The following PITPNM2 variants were observed in gnomAD, a reference collection of about 807,000 sequenced individuals.
The protein encoded by PITPNM2 is membrane-associated phosphatidylinositol transfer protein 2.
Under a neutral mutation model 132.2 loss-of-function variants are expected in PITPNM2, and 35 were observed. That is an observed-to-expected ratio of 0.26 (90% CI 0.20 to 0.35). PITPNM2 has a LOEUF of 0.35. Among genes scored for constraint, PITPNM2 ranks in the 10% least tolerant of loss-of-function variants. The probability of loss-of-function intolerance (pLI) is 1.00; values close to 1 mark genes in which losing one functional copy is unlikely to be tolerated. For missense variants in PITPNM2, 1,332 were observed against 1,912.0 expected, an observed-to-expected ratio of 0.70 and a Z score of 5.66; for synonymous variants, 738 against 799.2, an observed-to-expected ratio of 0.92 and a Z score of 1.29.
chr12:123,056,695 T>C (rs1334552827), intron 2 of PITPNM2, among the ~76,000 whole-genome samples: 1 of 152,190 alleles, frequency 6.6e-6, no homozygotes, highest in Non-Finnish European at 1.5e-5. Context: ...CTGGACACTG[T>C]CCCTGTCCTC....
intron 17 of PITPNM2, 51 bp downstream of exon 17, chr12:122,990,494 G>A (rs1190663799): frequency 6.2e-7 from 1 of 1,601,412 alleles, no homozygotes; most frequent in Non-Finnish European, 8.5e-7. Context: ...GTCCCCTGTG[G>A]GCACAATGGC....
chr12:123,016,569 CCTAAGACTCCGT>C (rs942541667), intron 3 of PITPNM2, among the ~76,000 whole-genome samples: 5 of 141,062 alleles, frequency 3.5e-5, no homozygotes, highest in African/African-American at 1.3e-4. Flanking sequence ...CTCGCCTCGG[CCTAAGACTCCGT>C]CTCAAAAACA....
intron 1 of PITPNM2, among the ~76,000 whole-genome samples, chr12:123,127,887 GCA>G: frequency 6.6e-6 from 1 of 152,012 alleles, no homozygotes; most frequent in East Asian, 1.9e-4. Context: ...GGGATTACAG[GCA>G]TGAGCCACCG....
intron 1 of PITPNM2, among the ~76,000 whole-genome samples, chr12:123,141,486 C>T (rs145620678): frequency 6.6e-6 from 1 of 152,178 alleles, no homozygotes; most frequent in Middle Eastern, 3.2e-3. Flanking sequence ...TAAGATCCCC[C>T]CAGCCTGAGA....
Position 123,042,635 on chromosome 12 carries a change from G to C in PITPNM2, c.-95-7950C>G, listed in dbSNP as rs533252921. Among the ~76,000 whole-genome samples, 25 of 152,290 alleles carry C rather than the reference G, an allele frequency of 1.6e-4. No homozygotes were observed. The South Asian group carries it at 2.9e-3, about 18-fold the overall frequency. On this transcript the variant is annotated intron_variant, in intron 2 of 25. Coordinates refer to ENST00000320201, the MANE Select transcript of PITPNM2 (RefSeq NM_020845.3). ...GGCAGGTCTGGGGGCCTGGGACTCA[G>C]GACTGTGGGTATCCATAACCTCCTT...
chr12:123,107,120 C>T (rs78273079), intron 2 of PITPNM2, among the ~76,000 whole-genome samples: 48 of 152,294 alleles, frequency 3.2e-4, no homozygotes, highest in Non-Finnish European at 6.6e-4. Flanking sequence ...GAGGCCCTGC[C>T]CATGTCATGA....
rs369804462 is a variant in PITPNM2, at chr12:123,093,489, C to T, written c.-96+16896G>A. On this transcript the variant is annotated intron_variant, in intron 2 of 25. Coordinates refer to ENST00000320201, the MANE Select transcript of PITPNM2 (RefSeq NM_020845.3). ...ACACACGCACACACACACACGCGCA[C>T]ACACACACACACCTTGAAATAATCA... Among the ~76,000 whole-genome samples, 1,091 of 151,362 alleles carry T rather than the reference C, an allele frequency of 7.2e-3. 13 individuals carry two copies. Among genetic ancestry groups the T allele is most frequent in the African/African-American group, 0.025 (1,006 of 40,980 alleles).
intron 2 of PITPNM2, among the ~76,000 whole-genome samples, chr12:123,062,181 C>A (rs1260080956): frequency 6.6e-6 from 1 of 152,122 alleles, no homozygotes; most frequent in African/African-American, 2.4e-5. Flanking sequence ...CAGACTCCCT[C>A]CCAGACAGGC....
chr12:122,988,994 G>T, intron 18 of PITPNM2, 122 bp from the exon 19 acceptor site: 1 of 1,142,782 alleles, frequency 8.8e-7, no homozygotes, highest in Non-Finnish European at 1.2e-6. Flanking sequence ...ATAGCCAAAA[G>T]TGAGTCTTCT....
Position 122,994,880 on chromosome 12 carries a change from C to T in PITPNM2, c.2154G>A (p.Glu718=). The T allele has an allele frequency of 6.2e-7, 1 of 1,612,364 alleles. No homozygotes were observed. Among genetic ancestry groups the T allele is most frequent in the Non-Finnish European group, 8.5e-7 (1 of 1,179,944 alleles). The part of the protein sequence containing the change: ...GTGALGRFDF[E]ITDLFLFGCP... Reference sequence around the variant, plus strand: ...ACCCGAAGAGGAAGAGGTCGGTGATCTCAAAGTCAAACCTGCCCAGGGCAC... The same window carrying T: ...ACCCGAAGAGGAAGAGGTCGGTGATTTCAAAGTCAAACCTGCCCAGGGCAC... Residue 718 remains glutamate (E), a synonymous_variant, in exon 15 of 26, where the codon GAG becomes GAA. Coordinates refer to ENST00000320201, the MANE Select transcript of PITPNM2 (RefSeq NM_020845.3). This position sits in a 1 kb window ranked among gnomAD's most constrained non-coding sequence, Gnocchi z 5.4.
In PITPNM2 at chr12:123,005,108, G is replaced by A; in HGVS notation, c.952+132C>T. The A allele has an allele frequency of 1.7e-6, 2 of 1,144,286 alleles. No individual in the cohort carries two copies. Among genetic ancestry groups the A allele is most frequent in the Non-Finnish European group, 2.5e-6 (2 of 805,864 alleles). 70.9% of individuals were successfully genotyped at this position (1,144,286 alleles called of 1,614,324 possible). A position where few individuals can be genotyped will look rare whatever the true frequency, so the allele number is the denominator to read the frequency against. The stretch of plus-strand genomic sequence containing the variant: ...TGTGCGAGGACTAGCCCAGGGCTCT[G>A]ACTCCCTCTGGGCTTGGTGCCTCAA... On this transcript the variant is annotated intron_variant, in intron 7 of 25. Transcript: ENST00000320201. This position sits in a 1 kb window ranked among gnomAD's most constrained non-coding sequence, Gnocchi z 6.2.
At chr12:123,088,651 G>T (rs112076387) in intron 2 of PITPNM2, 5 of 152,110 alleles carry the variant, frequency 3.3e-5, no homozygotes, top group Non-Finnish European at 7.4e-5. Context: ...CCTGCTCCCC[G>T]CAAAATATCC....
chr12:123,027,310 C>T (rs1178380922), intron 3 of PITPNM2, among the ~76,000 whole-genome samples: 1 of 152,158 alleles, frequency 6.6e-6, no homozygotes, highest in Non-Finnish European at 1.5e-5. Context: ...TATCTGAGCA[C>T]TGGAAGGCAG....
chr12:123,063,307 CCTTAGATAGGTGGCCTT>C, intron 2 of PITPNM2, among the ~76,000 whole-genome samples: 1 of 152,238 alleles, frequency 6.6e-6, no homozygotes, highest in African/African-American at 2.4e-5. Context: ...CAGCCGGTGG[CCTTAGATAGGTGGCCTT>C]GGGCAGGTGG....
At chr12:122,995,052 A>G (rs1594126722) in intron 14 of PITPNM2, 73 bp from the exon 15 acceptor site, 2 of 1,452,850 alleles carry the variant, frequency 1.4e-6, no homozygotes, top group Middle Eastern at 2.3e-4. Flanking sequence ...TGCTGGTGGC[A>G]GCAGGTCCCA....
In PITPNM2 at chr12:122,994,546, GC is replaced by G. The variant is rs891581816; in HGVS notation, c.2233+254del. On this transcript the variant is annotated intron_variant, in intron 15 of 25. Transcript: ENST00000320201. This position sits in a 1 kb window ranked among gnomAD's most constrained non-coding sequence, Gnocchi z 5.4. Reference sequence around the variant, plus strand: ...GCCTTCTCTCCCTGGACCTCAGCTTGCCCATCTAGGGGTTGACCCTCAGCAT... The same window carrying G: ...GCCTTCTCTCCCTGGACCTCAGCTTGCCATCTAGGGGTTGACCCTCAGCAT... Among the ~76,000 whole-genome samples the G allele has an allele frequency of 6.6e-6, 1 of 152,168 alleles. No homozygotes were observed. The highest frequency in any genetic ancestry group is 6.5e-5 in the Admixed American group (1 of 15,286).
Position 123,097,410 on chromosome 12 carries a change from T to C in PITPNM2, c.-96+12975A>G, listed in dbSNP as rs1029777622. ...AAAGACTTTCAGCAGCCCACTTTTCTGCACAGTCCTCAAGAGGCCAGCACC... is the reference window on the plus strand; with the variant it reads ...AAAGACTTTCAGCAGCCCACTTTTCCGCACAGTCCTCAAGAGGCCAGCACC... On this transcript the variant is annotated intron_variant, in intron 2 of 25. Coordinates refer to ENST00000320201, the MANE Select transcript of PITPNM2 (RefSeq NM_020845.3). The surrounding 1 kb of genome is among the most constrained non-coding windows in gnomAD (Gnocchi z 4.7). 1.3e-5 allele frequency among the ~76,000 whole-genome samples: 2 copies of C among 152,194 alleles called. No homozygotes were observed. Among genetic ancestry groups the C allele is most frequent in the Non-Finnish European group, 2.9e-5 (2 of 68,030 alleles).
chr12:123,010,373 C>A (rs1377444244), intron 5 of PITPNM2, among the ~76,000 whole-genome samples: 1 of 152,178 alleles, frequency 6.6e-6, no homozygotes, highest in Non-Finnish European at 1.5e-5. Context: ...TATGAGCCAA[C>A]GAGCCTGGCC....
rs1227109159 is a variant in PITPNM2, at chr12:123,137,417, C to T, written c.-200+13336G>A. 2.0e-5 allele frequency among the ~76,000 whole-genome samples: 3 copies of T among 152,172 alleles called. No homozygotes were observed. The South Asian group carries it at 6.2e-4, about 32-fold the overall frequency. The stretch of plus-strand genomic sequence containing the variant: ...GTGGGCAGAAGAAGGCTGTGCCCTA[C>T]CAACCCTCATACTCATGACTGATGA... On this transcript the variant is annotated intron_variant, in intron 1 of 25. Coordinates refer to ENST00000320201, the MANE Select transcript of PITPNM2 (RefSeq NM_020845.3).
Sources: gnomAD v4.1 joint callset for allele counts (sites outside exome capture counted in the v4.1 genomes callset) on GRCh38, gnomAD v4.1.1 for gene constraint, Gnocchi (gnomAD v3.1) non-coding constraint, MANE v1.5 for transcripts, NCBI Gene and HGNC (gene_info 2026-07-23, HGNC 2026-07-21) for gene names.